The following MEF2D variants were observed in gnomAD, a reference collection of about 807,000 sequenced individuals.
MEF2D encodes myocyte-specific enhancer factor 2D.
In MEF2D, 10 loss-of-function variants were observed where a neutral mutation model predicts 59.3. That is an observed-to-expected ratio of 0.17 (90% CI 0.10 to 0.29). The LOEUF is 0.29. Among genes scored for constraint, MEF2D ranks in the 10% least tolerant of loss-of-function variants. The pLI, the probability that MEF2D is intolerant of heterozygous loss-of-function variation, is 1.00. For synonymous variants in MEF2D, 305 were observed against 295.0 expected (o/e 1.03, Z -0.35); for missense variants, 508 against 699.4 (o/e 0.73, Z 3.09).
intron 3 of MEF2D, among the ~76,000 whole-genome samples, chr1:156,481,580 C>T (rs1672022323): frequency 6.6e-6 from 1 of 152,228 alleles, no homozygotes; most frequent in Admixed American, 6.5e-5. Context: ...CAGTAGACCC[C>T]AAAGCTGCCC....
At chr1:156,480,535 A>G (rs1404942216) in intron 4 of MEF2D, 2 of 1,181,424 alleles carry the variant, frequency 1.7e-6, no homozygotes, top group Non-Finnish European at 2.3e-6. Context: ...GTGGTCACTA[A>G]GAACCCGAGC....
intron 1 of MEF2D, among the ~76,000 whole-genome samples, chr1:156,484,827 G>A (rs1571251890): frequency 1.3e-5 from 2 of 152,318 alleles, no homozygotes; most frequent in Admixed American, 6.5e-5. Context: ...CATTCTCTCC[G>A]GTATGGGCAG....
chr1:156,493,176 A>G (rs1321109845), intron 1 of MEF2D, among the ~76,000 whole-genome samples: 1 of 152,178 alleles, frequency 6.6e-6, no homozygotes, highest in African/African-American at 2.4e-5. Context: ...GAGAGCTAAG[A>G]GAGAGGGGAA....
At chr1:156,479,183 G>T in intron 6 of MEF2D, 107 bp downstream of exon 6, 1 of 911,436 alleles carries the variant, frequency 1.1e-6, no homozygotes, top group Non-Finnish European at 1.6e-6. Context: ...TCCTGGCCCT[G>T]GGATCTTCCT....
At chr1:156,476,206 C>G (rs892481911) in intron 8 of MEF2D, among the ~76,000 whole-genome samples, 1 of 152,206 alleles carries the variant, frequency 6.6e-6, no homozygotes, top group African/African-American at 2.4e-5. Context: ...CCCACTCCCC[C>G]TCGCACACGT....
chr1:156,480,701 TC>T, intron 4 of MEF2D, 132 bp downstream of exon 4: 1 of 1,603,340 alleles, frequency 6.2e-7, no homozygotes, highest in Non-Finnish European at 8.5e-7. Context: ...TTTATATTTC[TC>T]TTCCGTCTGG....
chr1:156,477,667 G>C (rs1051408400), intron 6 of MEF2D, among the ~76,000 whole-genome samples: 1 of 152,120 alleles, frequency 6.6e-6, no homozygotes, highest in South Asian at 2.1e-4. Context: ...CCTGGAATCC[G>C]GGCCTCACTG....
At position 156,475,966 on chromosome 1, in the gene MEF2D, G is replaced by A. The variant is rs144081666; in HGVS notation, c.876+528C>T. 3.4e-3 allele frequency among the ~76,000 whole-genome samples: 516 copies of A among 152,318 alleles called. 4 individuals carry two copies. Among genetic ancestry groups the A allele is most frequent in the African/African-American group, 0.012 (486 of 41,568 alleles). ...CAGGAGGGAGCACAGGGAGACAGGG[G>A]AGGTGGGAAGCTGCCACCAAGAAGG... On this transcript the variant is annotated intron_variant, in intron 8 of 11. Coordinates refer to ENST00000348159, the MANE Select transcript of MEF2D (RefSeq NM_005920.4).
At chr1:156,478,506 TG>T (rs1671766651) in intron 6 of MEF2D, among the ~76,000 whole-genome samples, 1 of 152,016 alleles carries the variant, frequency 6.6e-6, no homozygotes, top group Admixed American at 6.6e-5. Context: ...TGCCAGGGGT[TG>T]GGGGGCAGCC....
chr1:156,498,116 A>C (rs902100660), intron 1 of MEF2D, among the ~76,000 whole-genome samples: 8 of 150,878 alleles, frequency 5.3e-5, no homozygotes, highest in Non-Finnish European at 8.9e-5. Context: ...AAAAAAAAAA[A>C]AAAAAAAAAA....
Position 156,477,297 on chromosome 1 carries a change from C to G in MEF2D, c.665-95G>C, listed in dbSNP as rs1356309474. 6.5e-6 allele frequency: 7 copies of G among 1,080,810 alleles called. No individual in the cohort carries two copies. In the African/African-American group the frequency reaches 1.1e-4, roughly 17 times the overall value. 67.0% of individuals were successfully genotyped at this position (1,080,810 alleles called of 1,614,324 possible). On this transcript the variant is annotated intron_variant, in intron 6 of 11. Coordinates refer to ENST00000348159, the MANE Select transcript of MEF2D (RefSeq NM_005920.4). Reference sequence around the variant, plus strand: ...ACACCAATACTCCTGTTACCCGGAACCTCTCAAAGCCATGCTTAGGCTTTG... The same window carrying G: ...ACACCAATACTCCTGTTACCCGGAAGCTCTCAAAGCCATGCTTAGGCTTTG...
intron 6 of MEF2D, 134 bp from the exon 7 acceptor site, chr1:156,477,336 C>T: frequency 1.4e-6 from 1 of 705,756 alleles, no homozygotes; most frequent in Non-Finnish European, 2.3e-6. Context: ...GGGGGCTGAG[C>T]TATCTGATAT....
chr1:156,473,089 C>T (rs1671339431), intron 9 of MEF2D, among the ~76,000 whole-genome samples: 1 of 151,884 alleles, frequency 6.6e-6, no homozygotes, highest in Non-Finnish European at 1.5e-5. Context: ...GCAATCTCGG[C>T]TCATGGCAAC....
At chr1:156,480,570 A>G (rs1431241311) in intron 4 of MEF2D, 2 of 1,444,946 alleles carry the variant, frequency 1.4e-6, no homozygotes, top group African/African-American at 2.8e-5. Flanking sequence ...AGCACCCATC[A>G]GGGCAGCCGA....
rs373269311 is a variant in MEF2D at position 156,480,942 on chromosome 1, G to A, written c.288C>T (p.Cys96=). 4 of 1,611,964 alleles carry A rather than the reference G, an allele frequency of 2.5e-6. No individual in the cohort carries two copies. Among genetic ancestry groups the A allele is most frequent in the African/African-American group, 2.7e-5 (2 of 75,002 alleles). ...ETLRKKGFNG[C]DSPEPDGEDS... The stretch of plus-strand genomic sequence containing the variant: ...CCTCCCCGTCGGGCTCGGGGCTGTC[G>A]CAGCCGTTGAAGCCCTTCTTCCTCA... The change falls in exon 4 of 12, where the codon TGC becomes TGT. Residue 96 remains cysteine, a synonymous_variant. Coordinates refer to ENST00000348159, the MANE Select transcript of MEF2D (RefSeq NM_005920.4).
At chr1:156,499,075 T>C (rs28373128) in intron 1 of MEF2D, among the ~76,000 whole-genome samples, 1 of 151,646 alleles carries the variant, frequency 6.6e-6, no homozygotes, top group South Asian at 2.1e-4. Context: ...GGGAGAGGAG[T>C]GGGAGGTGGA....
In MEF2D at chr1:156,500,524, C is replaced by G. The variant is rs1673435100; in HGVS notation, c.-177G>C. 1 of 152,234 alleles carries G rather than the reference C, an allele frequency of 6.6e-6. No homozygotes were observed. Among genetic ancestry groups the G allele is most frequent in the Non-Finnish European group, 1.5e-5 (1 of 68,046 alleles). 9.4% of individuals were successfully genotyped at this position (152,234 alleles called of 1,614,324 possible). On this transcript the variant is annotated 5_prime_UTR_variant, in exon 1 of 12. Transcript: ENST00000348159. Reference sequence around the variant, plus strand: ...GGAACGGTGTTGTCACGGCAAAGAGCGGGTAGCCCTCGCCCCTGGTCCGGG... The same window carrying G: ...GGAACGGTGTTGTCACGGCAAAGAGGGGGTAGCCCTCGCCCCTGGTCCGGG...
rs1319395287 is a variant in MEF2D at position 156,500,517 on chromosome 1, C to A, written c.-170G>T. The A allele has an allele frequency of 1.3e-5, 2 of 152,266 alleles. No individual in the cohort carries two copies. The highest frequency in any genetic ancestry group is 1.5e-5 in the Non-Finnish European group (1 of 68,054). 9.4% of individuals were successfully genotyped at this position (152,266 alleles called of 1,614,324 possible). A position where few individuals can be genotyped will look rare whatever the true frequency, so the allele number is the denominator to read the frequency against. ...GGCTGGGGGAACGGTGTTGTCACGG[C>A]AAAGAGCGGGTAGCCCTCGCCCCTG... On this transcript the variant is annotated 5_prime_UTR_variant, in exon 1 of 12. Transcript: ENST00000348159.
chr1:156,496,666 A>T (rs1470169559), intron 1 of MEF2D, among the ~76,000 whole-genome samples: 4 of 151,846 alleles, frequency 2.6e-5, no homozygotes, highest in Non-Finnish European at 4.4e-5. Flanking sequence ...TCCTTTAATC[A>T]TCTTTGCCAT....
Sources: allele counts gnomAD v4.1 joint callset (sites outside exome capture counted in the v4.1 genomes callset), GRCh38; gene constraint gnomAD v4.1.1; transcripts MANE v1.5; gene names NCBI Gene and HGNC (gene_info 2026-07-23, HGNC 2026-07-21).